Variants in PLCB4 observed in about 807,000 individuals in gnomAD.
PLCB4 encodes 1-phosphatidylinositol 4,5-bisphosphate phosphodiesterase beta-4.
Under a neutral mutation model 178.8 loss-of-function variants are expected in PLCB4, and 77 were observed. The observed-to-expected ratio is 0.43, with a 90% CI of 0.36 to 0.52. The LOEUF is 0.52. PLCB4 is among the 20% of genes least tolerant of loss of function. The pLI is 0.00. For missense variants in PLCB4, 1,024 were observed against 1,453.4 expected (o/e 0.70, Z 4.80); for synonymous variants, 496 against 490.8 (o/e 1.01, Z -0.14).
intron 2 of PLCB4, among the ~76,000 whole-genome samples, chr20:9,141,638 C>T (rs556925552): frequency 2.6e-5 from 4 of 152,114 alleles, no homozygotes; most frequent in East Asian, 1.9e-4. Flanking sequence ...TATGTATCTC[C>T]GTGGAGGGTG....
intron 2 of PLCB4, among the ~76,000 whole-genome samples, chr20:9,205,594 C>T (rs2093153): frequency 0.58 from 87,840 of 152,084 alleles, 27,417 homozygotes; most frequent in African/African-American, 0.83. Flanking sequence ...AACCATGCAA[C>T]TGACGTTGAT....
intron 34 of PLCB4, among the ~76,000 whole-genome samples, chr20:9,458,112 A>C (rs79477004): frequency 3.9e-5 from 6 of 152,116 alleles, no homozygotes; most frequent in African/African-American, 1.2e-4. Flanking sequence ...GAAAAAAAAA[A>C]CCAACAACAA....
chr20:9,110,406 T>C (rs1018733488), intron 2 of PLCB4, among the ~76,000 whole-genome samples: 2 of 152,178 alleles, frequency 1.3e-5, no homozygotes, highest in Non-Finnish European at 1.5e-5. Context: ...TCATTTCTCC[T>C]CTATTTACAC....
chr20:9,244,422 T>C (rs904799865), intron 3 of PLCB4, among the ~76,000 whole-genome samples: 1 of 152,224 alleles, frequency 6.6e-6, no homozygotes, highest in Non-Finnish European at 1.5e-5. Flanking sequence ...GACTAGTTTT[T>C]ATCAAAATTA....
chr20:9,214,872 C>T (rs1168727231), intron 2 of PLCB4, among the ~76,000 whole-genome samples: 2 of 152,216 alleles, frequency 1.3e-5, no homozygotes, highest in East Asian at 3.9e-4. Context: ...CTTATATATG[C>T]CCAGAATTAG....
In PLCB4 at chr20:9,135,063, ATTG is replaced by A. The variant is rs1451711816; in HGVS notation, c.-79+38724_-79+38726del. ...AAGCTGTAGAATTTTAGATTACTATATTGTTTCATTTCAAGAGGGAATGTTAGG... is the reference window on the plus strand; with the variant it reads ...AAGCTGTAGAATTTTAGATTACTATATTTCATTTCAAGAGGGAATGTTAGG... On this transcript the variant is annotated intron_variant, in intron 2 of 39. Transcript: ENST00000378473. 1.5e-4 allele frequency among the ~76,000 whole-genome samples: 23 copies of A among 152,176 alleles called. No homozygotes were observed. The East Asian group carries it at 4.1e-3, about 27-fold the overall frequency.
chr20:9,377,183 C>A (rs1004194062), intron 12 of PLCB4, among the ~76,000 whole-genome samples: 5 of 152,188 alleles, frequency 3.3e-5, no homozygotes, highest in Non-Finnish European at 5.9e-5. Flanking sequence ...TACTGGAGTT[C>A]TCTTCATCTC....
At position 9,479,880 on chromosome 20, in the gene PLCB4, T is replaced by G. The variant is rs1020609867; in HGVS notation, c.*871T>G. Reference sequence around the variant, plus strand: ...GAATACTAGAACTATGTTTGCATGATACACAAGCACCAATAAAGACTAATC... The same window carrying G: ...GAATACTAGAACTATGTTTGCATGAGACACAAGCACCAATAAAGACTAATC... On this transcript the variant is annotated 3_prime_UTR_variant, in exon 40 of 40. Transcript: ENST00000378473. The G allele has an allele frequency of 6.6e-6, 1 of 152,504 alleles. No homozygotes were observed. Among genetic ancestry groups the G allele is most frequent in the African/African-American group, 2.4e-5 (1 of 41,442 alleles). The allele number at this position is 152,504 out of a possible 1,614,324, so 9.4% of individuals were successfully genotyped here. A position where few individuals can be genotyped will look rare whatever the true frequency, so the allele number is the denominator to read the frequency against.
intron 19 of PLCB4, among the ~76,000 whole-genome samples, chr20:9,399,539 C>G (rs2038870411): frequency 6.6e-6 from 1 of 152,202 alleles, no homozygotes; most frequent in South Asian, 2.1e-4. Flanking sequence ...GGCTTTCAGT[C>G]AGTGAAAGCA....
intron 3 of PLCB4, among the ~76,000 whole-genome samples, chr20:9,232,368 C>T (rs2093942635): frequency 6.6e-6 from 1 of 152,092 alleles, no homozygotes; most frequent in African/African-American, 2.4e-5. Flanking sequence ...TCTTTATGAT[C>T]ATCAAAAGGG....
intron 3 of PLCB4, among the ~76,000 whole-genome samples, chr20:9,257,982 C>A (rs2094254351): frequency 6.6e-6 from 1 of 151,768 alleles, no homozygotes; most frequent in Non-Finnish European, 1.5e-5. Flanking sequence ...AGAAAAGATG[C>A]AGAACTTTTC....
chr20:9,327,499 G>A (rs1047510608), intron 4 of PLCB4, among the ~76,000 whole-genome samples: 9 of 151,848 alleles, frequency 5.9e-5, no homozygotes, highest in African/African-American at 1.5e-4. Context: ...AATACTGGCC[G>A]GGCGCGGTGG....
chr20:9,282,279 T>A (rs186537119), intron 3 of PLCB4, among the ~76,000 whole-genome samples: 7 of 152,078 alleles, frequency 4.6e-5, no homozygotes, highest in Non-Finnish European at 8.8e-5. Flanking sequence ...TTTAGAAAAG[T>A]AGGTAGGAGA....
chr20:9,390,991 G>A (rs922711119), intron 17 of PLCB4, among the ~76,000 whole-genome samples: 8 of 152,134 alleles, frequency 5.3e-5, no homozygotes, highest in Non-Finnish European at 1.0e-4. Flanking sequence ...TTGATGCAGG[G>A]TCAGCCCTGA....
Position 9,357,580 on chromosome 20 carries a change from G to A in PLCB4, c.370-5316G>A, listed in dbSNP as rs73246639. Among the ~76,000 whole-genome samples, 248 of 152,304 alleles carry A rather than the reference G, an allele frequency of 1.6e-3. 1 individual carries two copies. The highest frequency in any genetic ancestry group is 5.7e-3 in the African/African-American group (236 of 41,562). On this transcript the variant is annotated intron_variant, in intron 7 of 39. Transcript: ENST00000378473. ...TACCCTCTAAGGTGATGGCATTAGA[G>A]GATGGGGCCTTTGGGAGGTGATTAG...
At chr20:9,304,950 A>G (rs1490493110) in intron 3 of PLCB4, among the ~76,000 whole-genome samples, 1 of 150,848 alleles carries the variant, frequency 6.6e-6, no homozygotes, top group African/African-American at 2.4e-5. Context: ...GGTTAGTTAC[A>G]TATGTATACA....
intron 3 of PLCB4, among the ~76,000 whole-genome samples, chr20:9,248,094 G>C (rs2094143680): frequency 6.6e-6 from 1 of 151,934 alleles, no homozygotes; most frequent in African/African-American, 2.4e-5. Flanking sequence ...TGATCGGTTA[G>C]CTCTCATGAG....
At chr20:9,330,167 A>T (rs1329442694) in intron 4 of PLCB4, among the ~76,000 whole-genome samples, 1 of 152,252 alleles carries the variant, frequency 6.6e-6, no homozygotes, top group Non-Finnish European at 1.5e-5. Context: ...ATAGAAAGCT[A>T]GACCTCTTGG....
intron 19 of PLCB4, among the ~76,000 whole-genome samples, chr20:9,395,831 A>C (rs1258903072): frequency 1.3e-5 from 2 of 151,962 alleles, no homozygotes; most frequent in African/African-American, 4.8e-5. Context: ...TATTAGCCAG[A>C]CGTGGTGGCC....
Sources: gnomAD v4.1 joint callset for allele counts (sites outside exome capture counted in the v4.1 genomes callset) on GRCh38, gnomAD v4.1.1 for gene constraint, MANE v1.5 for transcripts, NCBI Gene and HGNC (gene_info 2026-07-23, HGNC 2026-07-21) for gene names.